The following TAS1R2 variants were observed in gnomAD, a reference collection of about 807,000 sequenced individuals.
TAS1R2 encodes the protein taste receptor type 1 member 2.
TAS1R2 carries 47 observed loss-of-function variants against 49.3 expected under a neutral mutation model. That is an observed-to-expected ratio of 0.95 (90% CI 0.75 to 1.22). The LOEUF is 1.22. TAS1R2 is among the 50% of genes most tolerant of loss of function. TAS1R2 has a pLI of 0.00. For synonymous variants in TAS1R2, 479 were observed against 467.9 expected, an observed-to-expected ratio of 1.02 and a Z score of -0.31; for missense variants, 1,155 against 1,122.1, an observed-to-expected ratio of 1.03 and a Z score of -0.42.
At position 18,852,122 on chromosome 1, in the gene TAS1R2, A is replaced by G. The variant is rs529703357; in HGVS notation, c.1257+2091T>C. 3.9e-5 allele frequency among the ~76,000 whole-genome samples: 6 copies of G among 152,320 alleles called. No individual in the cohort carries two copies. The East Asian group carries it at 1.2e-3, about 29-fold the overall frequency. On this transcript the variant is annotated intron_variant, in intron 3 of 5. Coordinates refer to ENST00000375371, the Ensembl canonical transcript of TAS1R2. ...AAGGATTGGCAGGGTCCCTGCTCTC[A>G]CTGGCCTCGGTTTGGGAGGTGTGGG...
Position 18,856,688 on chromosome 1 carries a change from T to G in TAS1R2, c.483+643A>C, listed in dbSNP as rs904332229. ...GATGCTTCATGTAAAAGTACTAACATTAAACAGTAACAATCACAATATTTG... is the reference window on the plus strand; with the variant it reads ...GATGCTTCATGTAAAAGTACTAACAGTAAACAGTAACAATCACAATATTTG... On this transcript the variant is annotated intron_variant, in intron 2 of 5. Transcript: ENST00000375371. Among the ~76,000 whole-genome samples, 4 of 152,220 alleles carry G rather than the reference T, an allele frequency of 2.6e-5. No homozygotes were observed. The South Asian group carries it at 6.2e-4, about 24-fold the overall frequency.
At chr1:18,846,526 C>T (rs1933922802) in intron 4 of TAS1R2, among the ~76,000 whole-genome samples, 1 of 152,206 alleles carries the variant, frequency 6.6e-6, no homozygotes, top group South Asian at 2.1e-4. Flanking sequence ...CTGGGAGACA[C>T]CAAAGCTAAG....
rs746181859 is a variant in TAS1R2, at chr1:18,840,423, T to C, written c.1696A>G (p.Thr566Ala). ...GCGGCCAGCAGGGCCACAGCGATGG[T>C]GGGTGCCTCATGCCATTCCAGGAAG... Residue 566 changes from threonine to alanine, a missense_variant, in exon 6 of 6, where the codon ACC (threonine) becomes GCC (alanine). Transcript: ENST00000375371. The C allele has an allele frequency of 1.2e-6, 2 of 1,614,092 alleles. No individual in the cohort carries two copies. The highest frequency in any genetic ancestry group is 3.3e-5 in the Admixed American group (2 of 60,030).
At chr1:18,857,663 C>T (rs754796967) in intron 1 of TAS1R2, 32 bp from the exon 2 acceptor site, 5 of 1,595,836 alleles carry the variant, frequency 3.1e-6, no homozygotes, top group Non-Finnish European at 4.3e-6. Flanking sequence ...GAGGTGGAAG[C>T]AGATCCAGAA....
At chr1:18,850,546 G>A (rs897285591) in intron 3 of TAS1R2, among the ~76,000 whole-genome samples, 1 of 152,276 alleles carries the variant, frequency 6.6e-6, no homozygotes, top group African/African-American at 2.4e-5. Context: ...CAACCAGGTG[G>A]TCGGCCTGAG....
intron 1 of TAS1R2, 68 bp downstream of exon 1, chr1:18,859,411 C>T: frequency 6.3e-7 from 1 of 1,584,722 alleles, no homozygotes; most frequent in Non-Finnish European, 8.6e-7. Context: ...TCCCAAGGAC[C>T]CACAGGACCA....
At chr1:18,845,508 C>T (rs911268433) in intron 4 of TAS1R2, among the ~76,000 whole-genome samples, 4 of 152,212 alleles carry the variant, frequency 2.6e-5, no homozygotes, top group Non-Finnish European at 5.9e-5. Flanking sequence ...TTACACTCTG[C>T]TGGAATAGAG....
At chr1:18,851,334 T>TG (rs1488665950) in intron 3 of TAS1R2, among the ~76,000 whole-genome samples, 14 of 148,726 alleles carry the variant, frequency 9.4e-5, no homozygotes, top group East Asian at 2.0e-4. Context: ...CATTTTGTTT[T>TG]GCTTTTTTTT....
chr1:18,852,054 G>C (rs114125447), intron 3 of TAS1R2, among the ~76,000 whole-genome samples: 2 of 152,330 alleles, frequency 1.3e-5, no homozygotes, highest in Admixed American at 6.5e-5. Flanking sequence ...GAGAATCAAC[G>C]CGAAGCCAGA....
chr1:18,845,703 T>C (rs969534914), intron 4 of TAS1R2, among the ~76,000 whole-genome samples: 3 of 152,102 alleles, frequency 2.0e-5, no homozygotes, highest in Non-Finnish European at 4.4e-5. Flanking sequence ...AAGGAGTAGG[T>C]CTGGCACCCA....
chr1:18,845,635 A>G (rs74918906), intron 4 of TAS1R2, among the ~76,000 whole-genome samples: 7,698 of 152,286 alleles, frequency 0.051, 536 homozygotes, highest in African/African-American at 0.15. Flanking sequence ...GAAAGGAAGA[A>G]GTAACTGACC....
intron 3 of TAS1R2, among the ~76,000 whole-genome samples, chr1:18,853,024 C>G (rs1934061494): frequency 6.6e-6 from 1 of 152,228 alleles, no homozygotes; most frequent in East Asian, 1.9e-4. Context: ...AGTCAACTGT[C>G]TTTCATCATA....
At chr1:18,853,382 C>A (rs763932170) in intron 3 of TAS1R2, among the ~76,000 whole-genome samples, 7 of 130,500 alleles carry the variant, frequency 5.4e-5, no homozygotes, top group Non-Finnish European at 1.2e-4. Context: ...TAACTGCAAT[C>A]TTTTAAAAGA....
chr1:18,841,901 G>T, intron 4 of TAS1R2, 49 bp from the exon 5 acceptor site: 1 of 1,515,430 alleles, frequency 6.6e-7, no homozygotes, highest in Non-Finnish European at 9.0e-7. Context: ...CCCACATTCT[G>T]GGGGCCCCCT....
chr1:18,844,199 G>C (rs1425626914), intron 4 of TAS1R2, among the ~76,000 whole-genome samples: 1 of 152,196 alleles, frequency 6.6e-6, no homozygotes, highest in East Asian at 1.9e-4. Flanking sequence ...ATGCAAGCAG[G>C]ACACTTGGTT....
exon 6 of TAS1R2, chr1:18,839,877 T>G: frequency 6.2e-7 from 1 of 1,614,166 alleles, no homozygotes; most frequent in Non-Finnish European, 8.5e-7. Context: ...TCTTTGCCCA[T>G]GTAGGCGAAG....
chr1:18,854,633 C>A lies in TAS1R2; in HGVS notation c.837G>T (p.Leu279=), dbSNP rs1934099323. Residue 279 remains leucine (L), a synonymous_variant, in exon 3 of 6, where the codon CTG becomes CTT. Transcript: ENST00000375371. The surrounding 1 kb of genome is among the most constrained non-coding windows in gnomAD (Gnocchi z 4.9). ...CCTCATTGAAGAAGTGGTACAGGGT[C>A]AGGTCGGGCGAGAACACGACCACGA... 1 of 1,614,116 alleles carries A rather than the reference C, an allele frequency of 6.2e-7. No individual in the cohort carries two copies.
At chr1:18,841,831 T>C (rs1933832316) in exon 5 of TAS1R2, 1 of 1,611,976 alleles carries the variant, frequency 6.2e-7, no homozygotes, top group Admixed American at 1.7e-5. Context: ...TGGCACCTCT[T>C]GGAACACATG....
chr1:18,839,853 A>G, exon 6 of TAS1R2: 1 of 1,614,224 alleles, frequency 6.2e-7, no homozygotes, highest in Non-Finnish European at 8.5e-7. Context: ...GCCTCGTTGT[A>G]GTTGGTGGGC....
Sources: allele counts gnomAD v4.1 joint callset (sites outside exome capture counted in the v4.1 genomes callset), GRCh38; gene constraint gnomAD v4.1.1; non-coding constraint Gnocchi (gnomAD v3.1); transcripts MANE v1.5; gene names NCBI Gene and HGNC (gene_info 2026-07-23, HGNC 2026-07-21).